ACTR3C: variants seen among roughly 807,000 people sequenced by gnomAD.
ACTR3C encodes the protein actin related protein 3C, also known as actin-related protein 3C.
ACTR3C carries 18 observed loss-of-function variants against 26.3 expected under a neutral mutation model. That is an observed-to-expected ratio of 0.68 (90% CI 0.47 to 1.01). ACTR3C has a LOEUF of 1.01. ACTR3C is among the 50% of genes least tolerant of loss of function. ACTR3C has a pLI of 0.00. For missense variants in ACTR3C, 184 were observed against 250.7 expected (o/e 0.73, Z 1.80); for synonymous variants, 55 against 94.5 (o/e 0.58, Z 2.42).
chr7:150,029,963 C>T, the ACTR3C span, among the ~76,000 whole-genome samples: 1 of 143,856 alleles, frequency 7.0e-6, no homozygotes. Flanking sequence ...TCGAATCTCC[C>T]AGAAAACTCT....
At chr7:150,200,061 T>C in the ACTR3C span, among the ~76,000 whole-genome samples, 4 of 152,176 alleles carry the variant, frequency 2.6e-5, no homozygotes, top group African/African-American at 9.7e-5. Context: ...TTTCAGCAAG[T>C]AAATCAGAGC....
the ACTR3C span, among the ~76,000 whole-genome samples, chr7:150,160,035 T>C: frequency 3.8e-3 from 573 of 152,250 alleles, 2 homozygotes; most frequent in African/African-American, 0.013. Flanking sequence ...CCTCAGGTGA[T>C]GTGCCCGCCT....
chr7:150,158,505 G>T, the ACTR3C span, among the ~76,000 whole-genome samples: 1 of 152,032 alleles, frequency 6.6e-6, no homozygotes, highest in Non-Finnish European at 1.5e-5. Flanking sequence ...ATGTTATTCA[G>T]CTTTAAAAAA....
At chr7:149,899,635 A>G in the ACTR3C span, among the ~76,000 whole-genome samples, 2 of 148,986 alleles carry the variant, frequency 1.3e-5, no homozygotes, top group East Asian at 3.9e-4. Flanking sequence ...AGCCTCAGGG[A>G]CATCTGGGAT....
chr7:150,148,345 C>T, the ACTR3C span, among the ~76,000 whole-genome samples: 2 of 152,050 alleles, frequency 1.3e-5, no homozygotes, highest in African/African-American at 2.4e-5. Flanking sequence ...GGCGTGGTGG[C>T]ATGCACCTGT....
At chr7:150,298,706 A>G (rs1795151385) in intron 1 of ACTR3C, among the ~76,000 whole-genome samples, 1 of 147,270 alleles carries the variant, frequency 6.8e-6, no homozygotes, top group Non-Finnish European at 1.5e-5. Context: ...CTCTCAGTTA[A>G]AAACAAAAAC....
chr7:150,220,975 A>G, the ACTR3C span, among the ~76,000 whole-genome samples: 3 of 152,236 alleles, frequency 2.0e-5, no homozygotes, highest in Non-Finnish European at 4.4e-5. Context: ...TCTTCCCGGG[A>G]TGGTCGGGAG....
At chr7:149,948,601 G>A in the ACTR3C span, among the ~76,000 whole-genome samples, 1 of 151,444 alleles carries the variant, frequency 6.6e-6, no homozygotes, top group Non-Finnish European at 1.5e-5. Context: ...CAGAGAGTCT[G>A]AGGCTGACCC....
the ACTR3C span, among the ~76,000 whole-genome samples, chr7:150,101,049 A>G: frequency 2.6e-5 from 4 of 151,746 alleles, no homozygotes; most frequent in African/African-American, 9.7e-5. Flanking sequence ...AACTGAAGTC[A>G]AAGATAGATA....
the ACTR3C span, among the ~76,000 whole-genome samples, chr7:150,162,167 C>T: frequency 6.6e-6 from 1 of 152,116 alleles, no homozygotes; most frequent in African/African-American, 2.4e-5. Context: ...AAGGAAAATA[C>T]AAATGAAATA....
the ACTR3C span, among the ~76,000 whole-genome samples, chr7:150,115,576 C>T: frequency 6.6e-6 from 1 of 152,248 alleles, no homozygotes; most frequent in Non-Finnish European, 1.5e-5. Context: ...TGTACCCCTT[C>T]AAAGTGTCTC....
the ACTR3C span, among the ~76,000 whole-genome samples, chr7:150,149,646 T>C: frequency 6.6e-6 from 1 of 152,040 alleles, no homozygotes; most frequent in Admixed American, 6.5e-5. Flanking sequence ...TCCAGCTTCA[T>C]CCATGTTCCT....
chr7:150,233,333 C>G, the ACTR3C span, among the ~76,000 whole-genome samples: 7,324 of 148,104 alleles, frequency 0.049, 299 homozygotes, highest in African/African-American at 0.12. Context: ...TTTTCTCTGA[C>G]TCCTTTGAAG....
chr7:150,138,793 C>T, the ACTR3C span, among the ~76,000 whole-genome samples: 72 of 152,398 alleles, frequency 4.7e-4, no homozygotes, highest in South Asian at 0.014. Context: ...TACTTACAGC[C>T]GCTCCCCATC....
At chr7:150,035,891 A>G in the ACTR3C span, among the ~76,000 whole-genome samples, 77 of 120,778 alleles carry the variant, frequency 6.4e-4, 9 homozygotes, top group Middle Eastern at 0.019. Context: ...AAGAGGGGAT[A>G]GCTCTCAGTC....
At chr7:150,156,281 A>G in the ACTR3C span, among the ~76,000 whole-genome samples, 2 of 152,250 alleles carry the variant, frequency 1.3e-5, no homozygotes, top group South Asian at 2.1e-4. Context: ...GTTAAAGCAT[A>G]GGCTGGCCAT....
chr7:149,949,879 C>CCT, the ACTR3C span, among the ~76,000 whole-genome samples: 1 of 147,290 alleles, frequency 6.8e-6, no homozygotes, highest in Non-Finnish European at 1.5e-5. Flanking sequence ...CTACTTGAAT[C>CCT]ACCCCAGCTA....
At chr7:150,164,608 C>T in the ACTR3C span, among the ~76,000 whole-genome samples, 326 of 151,956 alleles carry the variant, frequency 2.1e-3, 1 homozygote, top group African/African-American at 7.5e-3. Context: ...AGATAAAATT[C>T]GAGTGCATTT....
the ACTR3C span, among the ~76,000 whole-genome samples, chr7:150,184,457 T>C: frequency 5.3e-5 from 8 of 150,516 alleles, no homozygotes; most frequent in Non-Finnish European, 8.8e-5. Context: ...TGGGTAACCA[T>C]AGAGTAAGAC....
Sources: gnomAD v4.1 joint callset for allele counts (sites outside exome capture counted in the v4.1 genomes callset) on GRCh38, gnomAD v4.1.1 for gene constraint, MANE v1.5 for transcripts, NCBI Gene and HGNC (gene_info 2026-07-23, HGNC 2026-07-21) for gene names.